VPS8: variants seen among roughly 807,000 people sequenced by gnomAD.
VPS8 encodes VPS8 subunit of CORVET complex, also known as vacuolar protein sorting-associated protein 8 homolog.
Under a neutral mutation model 216.4 loss-of-function variants are expected in VPS8, and 129 were observed. That is an observed-to-expected ratio of 0.60 (90% CI 0.52 to 0.69). The LOEUF is 0.69. Ranked by LOEUF, VPS8 falls within the 30% of genes least tolerant of loss-of-function variation. The pLI is 0.00. For synonymous variants in VPS8, 571 were observed against 565.4 expected, an observed-to-expected ratio of 1.01 and a Z score of -0.14; for missense variants, 1,531 against 1,683.5, an observed-to-expected ratio of 0.91 and a Z score of 1.59.
intron 22 of VPS8, among the ~76,000 whole-genome samples, chr3:184,887,270 G>T (rs533981228): frequency 6.6e-6 from 1 of 152,174 alleles, no homozygotes; most frequent in African/African-American, 2.4e-5. Flanking sequence ...TCGTTTGAGC[G>T]CAGGAAGTCA....
At chr3:184,835,762 T>C (rs1278232589) in intron 5 of VPS8, among the ~76,000 whole-genome samples, 2 of 146,246 alleles carry the variant, frequency 1.4e-5, no homozygotes, top group Non-Finnish European at 3.0e-5. Context: ...CAAGCTGGAG[T>C]GCAGTGGCAC....
chr3:184,879,866 GTC>G (rs771037652), intron 21 of VPS8, among the ~76,000 whole-genome samples: 14 of 152,224 alleles, frequency 9.2e-5, no homozygotes, highest in Non-Finnish European at 1.6e-4. Context: ...AATATAGTTT[GTC>G]TCTCTGTAAT....
chr3:185,031,598 A>C (rs748939032), intron 46 of VPS8, among the ~76,000 whole-genome samples: 6 of 152,224 alleles, frequency 3.9e-5, no homozygotes, highest in Non-Finnish European at 8.8e-5. Flanking sequence ...GAGGACACTA[A>C]CTGGAAGAAA....
At chr3:184,936,555 G>GTA (rs1352852553) in intron 35 of VPS8, among the ~76,000 whole-genome samples, 4 of 151,302 alleles carry the variant, frequency 2.6e-5, no homozygotes, top group Non-Finnish European at 5.9e-5. Context: ...GTGTGTGTGT[G>GTA]TGTGTGGTTG....
chr3:184,911,263 T>C (rs1736480828), intron 25 of VPS8, among the ~76,000 whole-genome samples: 1 of 152,218 alleles, frequency 6.6e-6, no homozygotes, highest in South Asian at 2.1e-4. Context: ...TGTCACATAC[T>C]CTGCTCATAA....
At chr3:184,983,990 C>G (rs2109768690) in intron 42 of VPS8, among the ~76,000 whole-genome samples, 1 of 150,950 alleles carries the variant, frequency 6.6e-6, no homozygotes, top group African/African-American at 2.4e-5. Context: ...CGAGACCATC[C>G]TGGATAACAC....
chr3:184,841,713 T>C (rs1023916351), intron 7 of VPS8, among the ~76,000 whole-genome samples: 1 of 152,160 alleles, frequency 6.6e-6, no homozygotes, highest in Non-Finnish European at 1.5e-5. Context: ...GCATAATTAA[T>C]GTTAGATAAA....
At chr3:184,898,702 T>G in intron 24 of VPS8, 48 bp downstream of exon 24, 1 of 1,369,816 alleles carries the variant, frequency 7.3e-7, no homozygotes. Context: ...GTCTACTAAC[T>G]TTTTTCTCCT....
At chr3:184,912,674 A>G (rs1736781188) in intron 25 of VPS8, among the ~76,000 whole-genome samples, 1 of 152,202 alleles carries the variant, frequency 6.6e-6, no homozygotes, top group Admixed American at 6.5e-5. Context: ...TGACATTTGG[A>G]ATGGAAGCAA....
Position 184,932,726 on chromosome 3 carries a change from C to T in VPS8, c.2898+2158C>T, listed in dbSNP as rs192933411. Among the ~76,000 whole-genome samples, 28 of 152,270 alleles carry T rather than the reference C, an allele frequency of 1.8e-4. No individual in the cohort carries two copies. The East Asian group carries it at 5.0e-3, about 27-fold the overall frequency. On this transcript the variant is annotated intron_variant, in intron 34 of 47. Transcript: ENST00000625842. ...TTCTTGAACTTTGTGAAAATGAAAT[C>T]ATACTTTATTTTCTTATTTTTGCCC...
chr3:185,006,465 T>C (rs1339840480), intron 45 of VPS8, among the ~76,000 whole-genome samples: 2 of 152,208 alleles, frequency 1.3e-5, no homozygotes, highest in East Asian at 1.9e-4. Context: ...TCTGGCTTTA[T>C]TGAAACCTGG....
Position 184,945,873 on chromosome 3 carries a change from G to A in VPS8, c.3035+5630G>A, listed in dbSNP as rs1378323981. 2.0e-5 allele frequency among the ~76,000 whole-genome samples: 3 copies of A among 152,212 alleles called. No individual in the cohort carries two copies. The East Asian group carries it at 5.8e-4, about 29-fold the overall frequency. On this transcript the variant is annotated intron_variant, in intron 36 of 47. Transcript: ENST00000625842. ...ATAATTAGGTGGGCAAGGAGCTAGG[G>A]AATGGGCACTGCTGACTGGTTGGAG...
At chr3:184,985,766 G>A (rs1040865199) in intron 42 of VPS8, among the ~76,000 whole-genome samples, 4 of 152,202 alleles carry the variant, frequency 2.6e-5, no homozygotes, top group Non-Finnish European at 4.4e-5. Context: ...ATTACATCAG[G>A]TACAAATTTC....
intron 40 of VPS8, among the ~76,000 whole-genome samples, chr3:184,977,288 C>T (rs772595480): frequency 6.6e-6 from 1 of 152,022 alleles, no homozygotes; most frequent in Non-Finnish European, 1.5e-5. Context: ...TGTCCTTTAC[C>T]CACTTTGTAA....
Position 184,999,783 on chromosome 3 carries a change from A to T in VPS8, c.3924A>T (p.Lys1308Asn). 6.2e-7 allele frequency: 1 copy of T among 1,613,316 alleles called. No homozygotes were observed. The highest frequency in any genetic ancestry group is 8.5e-7 in the Non-Finnish European group (1 of 1,179,630). Reference sequence around the variant, plus strand: ...GCCAAACAAGATGGACATGCTACAAATGCAGTTCAAGTAACAAAGTAGGAA... The same window carrying T: ...GCCAAACAAGATGGACATGCTACAATTGCAGTTCAAGTAACAAAGTAGGAA... ...FEGQTRWTCY[K>N]CSSSNKVGKL... Residue 1308 changes from lysine to asparagine, a missense_variant, in exon 45 of 48, where the codon AAA (lysine) becomes AAT (asparagine). By Grantham distance (94) the Lys-to-Asn change is moderately conservative. Coordinates refer to ENST00000625842, the MANE Select transcript of VPS8 (RefSeq NM_001009921.3).
At position 184,870,906 on chromosome 3, in the gene VPS8, T is replaced by A. The variant is rs1560467619; in HGVS notation, c.1734+101T>A. The A allele has an allele frequency of 3.9e-6, 4 of 1,015,854 alleles. No homozygotes were observed. The Admixed American group carries it at 1.0e-4, about 26-fold the overall frequency. The allele number at this position is 1,015,854 out of a possible 1,614,324, so 62.9% of individuals were successfully genotyped here. A position where few individuals can be genotyped will look rare whatever the true frequency, so the allele number is the denominator to read the frequency against. On this transcript the variant is annotated intron_variant, in intron 21 of 47. Coordinates refer to ENST00000625842, the MANE Select transcript of VPS8 (RefSeq NM_001009921.3). ...GTGACTTTCATTTTTGGTTAAACATTTTTTTAGTATTCAAAACTTTATTTC... is the reference window on the plus strand; with the variant it reads ...GTGACTTTCATTTTTGGTTAAACATATTTTTAGTATTCAAAACTTTATTTC...
chr3:184,990,331 C>T (rs2109823737), intron 42 of VPS8, among the ~76,000 whole-genome samples: 1 of 152,256 alleles, frequency 6.6e-6, no homozygotes, highest in South Asian at 2.1e-4. Flanking sequence ...TTGAGCCCTG[C>T]CTTCATATTA....
intron 22 of VPS8, among the ~76,000 whole-genome samples, 195 bp from the exon 23 acceptor site, chr3:184,894,508 G>GTATATATATATATTTATA (rs1553857847): frequency 1.8e-4 from 24 of 133,128 alleles, no homozygotes; most frequent in Non-Finnish European, 3.7e-4. Flanking sequence ...ATATACACAC[G>GTATATATATATATTTATA]TATATATATA....
intron 46 of VPS8, among the ~76,000 whole-genome samples, chr3:185,043,068 C>G (rs1040753164): frequency 6.6e-5 from 10 of 152,170 alleles, no homozygotes; most frequent in African/African-American, 2.4e-4. Context: ...CCGGTAGGCA[C>G]TCGGGCAGAT....
Sources: gnomAD v4.1 joint callset for allele counts (sites outside exome capture counted in the v4.1 genomes callset) on GRCh38, gnomAD v4.1.1 for gene constraint, MANE v1.5 for transcripts, NCBI Gene and HGNC (gene_info 2026-07-23, HGNC 2026-07-21) for gene names.